Variants in KLF8 observed in about 807,000 individuals in gnomAD.
The protein encoded by KLF8 is Krueppel-like factor 8.
In KLF8, 10 loss-of-function variants were observed where a neutral mutation model predicts 18.2. The ratio of observed to expected loss-of-function variants is 0.55; its 90% CI spans 0.34 to 0.93. KLF8 has a LOEUF of 0.93. KLF8 is among the 40% of genes least tolerant of loss of function. KLF8 has a pLI of 0.02. For synonymous variants in KLF8, 109 were observed against 97.3 expected, an observed-to-expected ratio of 1.12 and a Z score of -0.71; for missense variants, 264 against 277.9, an observed-to-expected ratio of 0.95 and a Z score of 0.36.
At chrX:56,141,704 G>A in the KLF8 span, among the ~76,000 whole-genome samples, 1 of 110,942 alleles carries the variant, frequency 9.0e-6, no homozygotes, top group African/African-American at 3.3e-5. Context: ...ACCTTAACTG[G>A]GGAAAACTGA....
the KLF8 span, among the ~76,000 whole-genome samples, chrX:55,950,738 T>C: frequency 8.9e-6 from 1 of 111,774 alleles, no homozygotes; most frequent in African/African-American, 3.3e-5. Context: ...TATGGCACTT[T>C]TCCTGTTTTT....
chrX:56,142,892 C>A, the KLF8 span, among the ~76,000 whole-genome samples: 8 of 112,181 alleles, frequency 7.1e-5, no homozygotes, highest in South Asian at 3.0e-3. Flanking sequence ...TACTGTGATG[C>A]AAGCTACCAT....
At chrX:56,246,949 A>G (rs2066629867) in intron 1 of KLF8, among the ~76,000 whole-genome samples, 1 of 111,697 alleles carries the variant, frequency 9.0e-6, no homozygotes, top group Admixed American at 9.5e-5. Context: ...ATAATCAACA[A>G]TAATAATGGT....
the KLF8 span, among the ~76,000 whole-genome samples, chrX:56,056,265 G>T: frequency 9.2e-6 from 1 of 109,281 alleles, no homozygotes; most frequent in Admixed American, 9.8e-5. Context: ...TTTTATTTAC[G>T]CCCTTTATGG....
chrX:56,000,482 G>C, the KLF8 span, among the ~76,000 whole-genome samples: 2 of 84,506 alleles, frequency 2.4e-5, no homozygotes, highest in Admixed American at 1.4e-4. Context: ...TCTTGGGGGG[G>C]GGGGGAGGGA....
the KLF8 span, among the ~76,000 whole-genome samples, chrX:56,076,961 G>A: frequency 6.3e-5 from 7 of 111,671 alleles, no homozygotes; most frequent in African/African-American, 2.3e-4. Context: ...GTCTGTTCAT[G>A]TCCTTTGCCC....
At chrX:56,102,696 G>A in the KLF8 span, among the ~76,000 whole-genome samples, 240 of 110,536 alleles carry the variant, frequency 2.2e-3, 1 homozygote, top group Middle Eastern at 0.014. Context: ...TGTATTTCTC[G>A]ATATTTCATT....
the KLF8 span, among the ~76,000 whole-genome samples, chrX:56,161,082 C>T: frequency 1.8e-5 from 2 of 111,275 alleles, no homozygotes; most frequent in African/African-American, 6.5e-5. Flanking sequence ...TAGGGCAGGC[C>T]TGGTGGTGAC....
the KLF8 span, chrX:56,074,756 C>A: frequency 7.6e-4 from 107 of 141,155 alleles, no homozygotes; most frequent in Non-Finnish European, 1.4e-3. Flanking sequence ...CATGATTATT[C>A]AGGCTATGTA....
At chrX:56,251,447 T>TTATA (rs1190818721) in intron 2 of KLF8, among the ~76,000 whole-genome samples, 3 of 111,375 alleles carry the variant, frequency 2.7e-5, no homozygotes, top group Non-Finnish European at 3.8e-5. Context: ...TTTTGAATTT[T>TTATA]TATATATTTA....
At chrX:56,114,452 G>A in the KLF8 span, among the ~76,000 whole-genome samples, 1 of 112,706 alleles carries the variant, frequency 8.9e-6, no homozygotes, top group Non-Finnish European at 1.9e-5. Flanking sequence ...CTAAACTTCA[G>A]TGTTCTCATT....
At chrX:56,055,030 C>A in the KLF8 span, among the ~76,000 whole-genome samples, 3 of 111,648 alleles carry the variant, frequency 2.7e-5, no homozygotes, top group Admixed American at 2.9e-4. Context: ...ATTTAATCGA[C>A]CTTACTACCC....
chrX:56,169,421 G>C, the KLF8 span, among the ~76,000 whole-genome samples: 2 of 111,452 alleles, frequency 1.8e-5, no homozygotes, highest in African/African-American at 3.3e-5. Context: ...TGAAAGTCCA[G>C]AAATGCTCTT....
At chrX:55,928,132 G>T in the KLF8 span, among the ~76,000 whole-genome samples, 1 of 111,567 alleles carries the variant, frequency 9.0e-6, no homozygotes, top group African/African-American at 3.3e-5. Context: ...CGACATTTTT[G>T]AATGTTAGTG....
chrX:56,048,570 A>G, the KLF8 span, among the ~76,000 whole-genome samples: 4 of 111,663 alleles, frequency 3.6e-5, no homozygotes, highest in Non-Finnish European at 7.5e-5. Flanking sequence ...GAAACATCAG[A>G]TAGTTGTAGA....
the KLF8 span, among the ~76,000 whole-genome samples, chrX:56,155,954 C>T: frequency 8.9e-6 from 1 of 111,825 alleles, no homozygotes; most frequent in Non-Finnish European, 1.9e-5. Flanking sequence ...ATTATGGCCT[C>T]CAGCTCCATC....
chrX:56,157,535 A>G, the KLF8 span, among the ~76,000 whole-genome samples: 3 of 111,234 alleles, frequency 2.7e-5, no homozygotes, highest in Admixed American at 1.9e-4. Flanking sequence ...ATTTTTCCAC[A>G]TCCTCTCCAG....
chrX:56,174,461 T>G, the KLF8 span, among the ~76,000 whole-genome samples: 47 of 111,834 alleles, frequency 4.2e-4, no homozygotes, highest in East Asian at 9.9e-3. Context: ...TGATCATGGT[T>G]GATAAGCTTT....
At chrX:56,192,222 C>T in the KLF8 span, among the ~76,000 whole-genome samples, 1 of 111,464 alleles carries the variant, frequency 9.0e-6, no homozygotes, top group African/African-American at 3.3e-5. Context: ...ATTCCATTTA[C>T]AATAGCTAAA....
Sources: gnomAD v4.1 joint callset for allele counts (sites outside exome capture counted in the v4.1 genomes callset) on GRCh38, gnomAD v4.1.1 for gene constraint, MANE v1.5 for transcripts, NCBI Gene and HGNC (gene_info 2026-07-23, HGNC 2026-07-21) for gene names.